NEDD4: variants seen among roughly 807,000 people sequenced by gnomAD.
The protein encoded by NEDD4 is E3 ubiquitin-protein ligase NEDD4.
Under a neutral mutation model 144.9 loss-of-function variants are expected in NEDD4, and 99 were observed. That is an observed-to-expected ratio of 0.68 (90% CI 0.58 to 0.81). The LOEUF (loss-of-function observed/expected upper bound fraction) is 0.81, where lower values mean the gene tolerates loss of function less well. Ranked by LOEUF, NEDD4 falls within the 30% of genes least tolerant of loss-of-function variation. NEDD4 has a pLI of 0.00. For synonymous variants in NEDD4, 318 were observed against 350.6 expected (o/e 0.91, Z 1.04); for missense variants, 985 against 1,065.9 (o/e 0.92, Z 1.06).
chr15:55,929,243 C>G (rs1040197187), intron 4 of NEDD4, among the ~76,000 whole-genome samples: 1 of 152,162 alleles, frequency 6.6e-6, no homozygotes, highest in Non-Finnish European at 1.5e-5. Context: ...CGAGCACGCA[C>G]GCACACACAC....
intron 5 of NEDD4, among the ~76,000 whole-genome samples, chr15:55,904,911 G>A (rs72732295): frequency 0.12 from 18,302 of 151,774 alleles, 1,304 homozygotes; most frequent in East Asian, 0.35. Flanking sequence ...TGACCAACAT[G>A]GAGAAACCCC....
chr15:55,883,698 C>A (rs2414454), intron 5 of NEDD4, among the ~76,000 whole-genome samples: 24 of 21,078 alleles, frequency 1.1e-3, no homozygotes, highest in South Asian at 1.8e-3. Context: ...CACACACAAA[C>A]ACACACACAC....
chr15:55,964,611 A>G (rs2037478650), intron 2 of NEDD4, among the ~76,000 whole-genome samples: 1 of 151,422 alleles, frequency 6.6e-6, no homozygotes, highest in South Asian at 2.1e-4. Flanking sequence ...CTGGACATAT[A>G]TTATAAATGT....
chr15:55,921,958 G>A (rs2036576121), intron 5 of NEDD4, among the ~76,000 whole-genome samples: 1 of 152,184 alleles, frequency 6.6e-6, no homozygotes, highest in African/African-American at 2.4e-5. Flanking sequence ...TGGACAACAT[G>A]CAAATAACGC....
At chr15:55,872,518 CA>C (rs756009608) in intron 6 of NEDD4, 42 bp from the exon 7 acceptor site, 1 of 878,550 alleles carries the variant, frequency 1.1e-6, no homozygotes, top group South Asian at 2.5e-5. Flanking sequence ...TCTATAACAC[CA>C]AAAGCATGTA....
At chr15:55,875,386 T>A (rs1424512453) in intron 5 of NEDD4, among the ~76,000 whole-genome samples, 1 of 152,214 alleles carries the variant, frequency 6.6e-6, no homozygotes, top group African/African-American at 2.4e-5. Flanking sequence ...CACAGCTAAC[T>A]GCAACCTCTA....
At chr15:55,903,101 A>G (rs2035963160) in intron 5 of NEDD4, among the ~76,000 whole-genome samples, 1 of 152,178 alleles carries the variant, frequency 6.6e-6, no homozygotes, top group African/African-American at 2.4e-5. Flanking sequence ...TTCACTCAAC[A>G]ATGGCCATAA....
At chr15:55,897,252 C>T (rs1008105744) in intron 5 of NEDD4, among the ~76,000 whole-genome samples, 2 of 152,256 alleles carry the variant, frequency 1.3e-5, no homozygotes, top group South Asian at 2.1e-4. Context: ...GGATTACAGG[C>T]GTGAGCCACT....
intron 14 of NEDD4, 68 bp from the exon 15 acceptor site, chr15:55,848,954 C>A (rs2033868717): frequency 1.6e-6 from 2 of 1,234,104 alleles, no homozygotes; most frequent in Admixed American, 1.7e-5. Flanking sequence ...AGTCTGTTAC[C>A]ATGTTTTCTA....
chr15:55,883,686 C>T (rs1215800253), intron 5 of NEDD4, among the ~76,000 whole-genome samples: 1 of 104,776 alleles, frequency 9.5e-6, no homozygotes, highest in African/African-American at 3.9e-5. Context: ...TCAACACACA[C>T]ACACACACAA....
chr15:55,906,272 C>T (rs2036090315), intron 5 of NEDD4, among the ~76,000 whole-genome samples: 1 of 152,104 alleles, frequency 6.6e-6, no homozygotes, highest in Non-Finnish European at 1.5e-5. Context: ...CCCAGCCATC[C>T]CATTACTGGG....
intron 1 of NEDD4, among the ~76,000 whole-genome samples, chr15:55,975,271 C>G (rs28867759): frequency 6.6e-6 from 1 of 151,852 alleles, no homozygotes; most frequent in African/African-American, 2.4e-5. Context: ...GAAAGGGAAG[C>G]TAAATTAGAA....
In NEDD4 at chr15:55,993,306, T is replaced by C. The variant is rs1047159108; in HGVS notation, c.45+205A>G. 3.3e-5 allele frequency among the ~76,000 whole-genome samples: 5 copies of C among 152,058 alleles called. No homozygotes were observed. In the South Asian group the frequency reaches 1.0e-3, roughly 32 times the overall value. On this transcript the variant is annotated intron_variant, in intron 1 of 28. Transcript: ENST00000435532. ...AGGGGCGGGTGTGGACCCGACAAGC[T>C]TGCTCCCTCCAGCGAGCCCCCAGCG...
At chr15:55,859,165 G>T (rs939306983) in intron 11 of NEDD4, among the ~76,000 whole-genome samples, 2 of 152,160 alleles carry the variant, frequency 1.3e-5, no homozygotes, top group African/African-American at 4.8e-5. Context: ...ATGACAAATA[G>T]CATCCTCAGA....
Position 55,829,666 on chromosome 15 carries a change from A to C in NEDD4, c.*231T>G. The C allele has an allele frequency of 1.8e-5, 7 of 386,574 alleles. No individual in the cohort carries two copies. Among genetic ancestry groups the C allele is most frequent in the East Asian group, 4.9e-5 (1 of 20,270 alleles). 23.9% of individuals were successfully genotyped at this position (386,574 alleles called of 1,614,324 possible). A position where few individuals can be genotyped will look rare whatever the true frequency, so the allele number is the denominator to read the frequency against. ...GGTGTGGTGGTGCCTGGCTTTAGGC[A>C]GGCACCTAACTCTAAAGACAGCATG... On this transcript the variant is annotated 3_prime_UTR_variant, in exon 29 of 29. Coordinates refer to ENST00000435532, the MANE Select transcript of NEDD4 (RefSeq NM_006154.4).
intron 5 of NEDD4, among the ~76,000 whole-genome samples, chr15:55,924,199 C>T (rs1417318944): frequency 1.3e-5 from 2 of 152,002 alleles, no homozygotes; most frequent in South Asian, 4.2e-4. Flanking sequence ...CAGATTTCCT[C>T]TGTAGAAGAG....
At chr15:55,839,969 G>A (rs2033391207) in intron 21 of NEDD4, among the ~76,000 whole-genome samples, 1 of 27,454 alleles carries the variant, frequency 3.6e-5, no homozygotes, top group Non-Finnish European at 5.8e-5. Context: ...GTGACACTCT[G>A]TCTCAAAAAA....
chr15:55,954,750 C>A (rs1478738090), intron 2 of NEDD4, among the ~76,000 whole-genome samples: 2 of 152,144 alleles, frequency 1.3e-5, no homozygotes, highest in South Asian at 4.1e-4. Context: ...TCTTCAACTC[C>A]CAGTTTCAGG....
At chr15:55,885,606 C>G (rs1321840334) in intron 5 of NEDD4, among the ~76,000 whole-genome samples, 1 of 152,006 alleles carries the variant, frequency 6.6e-6, no homozygotes, top group African/African-American at 2.4e-5. Context: ...TTTATGCAAT[C>G]AGTGTTAAGT....
Sources: allele counts gnomAD v4.1 joint callset (sites outside exome capture counted in the v4.1 genomes callset), GRCh38; gene constraint gnomAD v4.1.1; transcripts MANE v1.5; gene names NCBI Gene and HGNC (gene_info 2026-07-23, HGNC 2026-07-21).